The following MAML2 variants were observed in gnomAD, a reference collection of about 807,000 sequenced individuals.
The protein encoded by MAML2 is mastermind-like protein 2.
Under a neutral mutation model 96.1 loss-of-function variants are expected in MAML2, and 22 were observed. The observed-to-expected ratio is 0.23, with a 90% CI of 0.16 to 0.33. MAML2 has a LOEUF of 0.33. MAML2 is among the 10% of genes least tolerant of loss of function. The pLI is 1.00. For synonymous variants in MAML2, 561 were observed against 521.3 expected (o/e 1.08, Z -1.04); for missense variants, 1,367 against 1,392.4 (o/e 0.98, Z 0.29).
At chr11:96,311,244 G>C (rs749753788) in intron 1 of MAML2, among the ~76,000 whole-genome samples, 3 of 152,170 alleles carry the variant, frequency 2.0e-5, no homozygotes, top group Admixed American at 6.5e-5. Flanking sequence ...TCCATTCCTG[G>C]CATGCAGCAG....
In MAML2 at chr11:96,072,646, G is replaced by C. The variant is rs137946041; in HGVS notation, c.2139+19246C>G. Among the ~76,000 whole-genome samples, 32 of 152,268 alleles carry C rather than the reference G, an allele frequency of 2.1e-4. No individual in the cohort carries two copies. In the East Asian group the frequency reaches 5.8e-3, roughly 28 times the overall value. ...GAAGAAGACGGAGTCCCCTCAACTT[G>C]AAAGAGCTCGCTGTCAAGGAGAAGG... On this transcript the variant is annotated intron_variant, in intron 2 of 4. Coordinates refer to ENST00000524717, the MANE Select transcript of MAML2 (RefSeq NM_032427.4).
intron 2 of MAML2, among the ~76,000 whole-genome samples, chr11:96,034,456 A>AGAGAGAGTGT (rs766634690): frequency 0.075 from 10,807 of 144,508 alleles, 475 homozygotes; most frequent in East Asian, 0.2. Flanking sequence ...AGAGAGAGAG[A>AGAGAGAGTGT]GTGTGTGTGT....
chr11:96,009,201 C>T lies in MAML2; in HGVS notation c.2140-17478G>A, dbSNP rs117867189. Among the ~76,000 whole-genome samples, 1,062 of 152,286 alleles carry T rather than the reference C, an allele frequency of 7.0e-3. 12 individuals are homozygous for T. The highest frequency in any genetic ancestry group is 0.021 in the African/African-American group (860 of 41,562). ...TTTAATCACTTAATGCTAACGATGGCCATTCGCATGTATAGCAGTCCTTCT... is the reference window on the plus strand; with the variant it reads ...TTTAATCACTTAATGCTAACGATGGTCATTCGCATGTATAGCAGTCCTTCT... On this transcript the variant is annotated intron_variant, in intron 2 of 4. Coordinates refer to ENST00000524717, the MANE Select transcript of MAML2 (RefSeq NM_032427.4).
At chr11:96,008,447 A>G (rs1474494017) in intron 2 of MAML2, among the ~76,000 whole-genome samples, 1 of 152,208 alleles carries the variant, frequency 6.6e-6, no homozygotes, top group African/African-American at 2.4e-5. Flanking sequence ...TTTTAAAATG[A>G]TATACATTTG....
chr11:96,081,258 C>T (rs1483279151), intron 2 of MAML2, among the ~76,000 whole-genome samples: 2 of 151,662 alleles, frequency 1.3e-5, no homozygotes, highest in Admixed American at 6.6e-5. Context: ...AAAGCCTTTA[C>T]TGAATTAAAG....
chr11:96,142,926 A>G (rs1305486739), intron 1 of MAML2, among the ~76,000 whole-genome samples: 1 of 152,236 alleles, frequency 6.6e-6, no homozygotes, highest in Non-Finnish European at 1.5e-5. Flanking sequence ...ATGATCTAAC[A>G]CAATCAAATA....
intron 1 of MAML2, among the ~76,000 whole-genome samples, chr11:96,191,477 A>AT (rs1247003160): frequency 7.7e-6 from 1 of 130,516 alleles, no homozygotes; most frequent in Non-Finnish European, 1.6e-5. Flanking sequence ...AAAAATAACA[A>AT]TAATAAAAAA....
At position 96,083,550 on chromosome 11, in the gene MAML2, G is replaced by A. The variant is rs190622582; in HGVS notation, c.2139+8342C>T. ...GGACTAGGACTCAAACTAAGACTAG[G>A]TCCATGGGCAAATGTTGTTTAGAGA... On this transcript the variant is annotated intron_variant, in intron 2 of 4. Transcript: ENST00000524717. Among the ~76,000 whole-genome samples the A allele has an allele frequency of 1.3e-3, 193 of 152,326 alleles. 1 individual carries two copies. The highest frequency in any genetic ancestry group is 5.0e-3 in the Admixed American group (77 of 15,292).
rs1857672457 is a variant in MAML2, at chr11:95,977,903, C to G, written c.*1045G>C. ...ACTCCGTGAAATACATTTGTACACA[C>G]TGGTACTTGCCATCCCTGGTTCTTA... On this transcript the variant is annotated 3_prime_UTR_variant, in exon 5 of 5. Transcript: ENST00000524717. 1 of 224,660 alleles carries G rather than the reference C, an allele frequency of 4.5e-6. No individual in the cohort carries two copies. The allele number at this position is 224,660 out of a possible 1,614,324, so 13.9% of individuals were successfully genotyped here.
intron 2 of MAML2, among the ~76,000 whole-genome samples, chr11:96,007,927 G>T (rs1184257064): frequency 6.7e-6 from 1 of 150,232 alleles, no homozygotes; most frequent in Non-Finnish European, 1.5e-5. Context: ...CCTAATGCTA[G>T]ATGACGAGTT....
At chr11:96,287,576 CTT>C (rs1217162111) in intron 1 of MAML2, among the ~76,000 whole-genome samples, 1 of 151,936 alleles carries the variant, frequency 6.6e-6, no homozygotes, top group Non-Finnish European at 1.5e-5. Flanking sequence ...ACTTTTTTGT[CTT>C]GTCTTTAGTT....
At chr11:96,244,543 A>G (rs1477125661) in intron 1 of MAML2, among the ~76,000 whole-genome samples, 2 of 152,238 alleles carry the variant, frequency 1.3e-5, no homozygotes, top group South Asian at 2.1e-4. Context: ...TTATAGCCAT[A>G]TATATCGATT....
intron 1 of MAML2, among the ~76,000 whole-genome samples, chr11:96,199,460 T>C (rs1320911657): frequency 6.6e-6 from 1 of 152,140 alleles, no homozygotes; most frequent in Non-Finnish European, 1.5e-5. Context: ...ACTATTATTT[T>C]GCATTTTCTA....
intron 1 of MAML2, among the ~76,000 whole-genome samples, chr11:96,206,185 G>C (rs554728352): frequency 6.6e-6 from 1 of 151,942 alleles, no homozygotes; most frequent in African/African-American, 2.4e-5. Flanking sequence ...AATAAGTATA[G>C]CTTATATGTT....
intron 2 of MAML2, among the ~76,000 whole-genome samples, chr11:95,995,228 A>G (rs1041604265): frequency 3.3e-5 from 5 of 152,186 alleles, no homozygotes; most frequent in African/African-American, 1.2e-4. Context: ...TCTCAGTTAT[A>G]TTGCAGATTA....
rs575264121 is a variant in MAML2, at chr11:96,098,403, C to T, written c.514-4886G>A. Among the ~76,000 whole-genome samples the T allele has an allele frequency of 1.7e-4, 26 of 152,314 alleles. No individual in the cohort carries two copies. The South Asian group carries it at 5.2e-3, about 30-fold the overall frequency. On this transcript the variant is annotated intron_variant, in intron 1 of 4. Transcript: ENST00000524717. ...ACTACACTCAATCTTTGCACTTTTCCCACTACCTAGGTGGGTGAGAAGCAT... is the reference window on the plus strand; with the variant it reads ...ACTACACTCAATCTTTGCACTTTTCTCACTACCTAGGTGGGTGAGAAGCAT...
At chr11:96,307,859 C>T (rs571473465) in intron 1 of MAML2, among the ~76,000 whole-genome samples, 1 of 152,106 alleles carries the variant, frequency 6.6e-6, no homozygotes, top group African/African-American at 2.4e-5. Context: ...ATTTGATGGC[C>T]CATGAGAGTT....
intron 1 of MAML2, among the ~76,000 whole-genome samples, chr11:96,240,551 C>G (rs1862421530): frequency 4.0e-5 from 1 of 25,254 alleles, no homozygotes; most frequent in African/African-American, 9.9e-5. Context: ...GAGCGAGACT[C>G]CGTCTCAAAA....
At chr11:96,008,647 C>T (rs1858224178) in intron 2 of MAML2, among the ~76,000 whole-genome samples, 1 of 152,136 alleles carries the variant, frequency 6.6e-6, no homozygotes, top group African/African-American at 2.4e-5. Flanking sequence ...TAAAAACAGC[C>T]CTCTTCTCCA....
Sources: gnomAD v4.1 joint callset for allele counts (sites outside exome capture counted in the v4.1 genomes callset) on GRCh38, gnomAD v4.1.1 for gene constraint, MANE v1.5 for transcripts, NCBI Gene and HGNC (gene_info 2026-07-23, HGNC 2026-07-21) for gene names.